The following LAT2 variants were observed in gnomAD, a reference collection of about 807,000 sequenced individuals.
The protein encoded by LAT2 is linker for activation of T-cells family member 2.
Under a neutral mutation model 43.4 loss-of-function variants are expected in LAT2, and 23 were observed. That is an observed-to-expected ratio of 0.53 (90% CI 0.38 to 0.75). LAT2 has a LOEUF of 0.75. Among genes scored for constraint, LAT2 ranks in the 30% least tolerant of loss-of-function variants. The pLI is 0.00. For missense variants in LAT2, 284 were observed against 310.2 expected (o/e 0.92, Z 0.64); for synonymous variants, 128 against 123.2 (o/e 1.04, Z -0.26).
At chr7:74,216,479 C>T (rs371551393) in intron 3 of LAT2, among the ~76,000 whole-genome samples, 11 of 152,244 alleles carry the variant, frequency 7.2e-5, no homozygotes, top group African/African-American at 2.6e-4. Context: ...TGAAGCGATT[C>T]TCCTGCCTCA....
chr7:74,228,206 G>T (rs1802565620), intron 13 of LAT2, among the ~76,000 whole-genome samples: 1 of 144,298 alleles, frequency 6.9e-6, no homozygotes, highest in Non-Finnish European at 1.5e-5. Flanking sequence ...GCCAGGCGCG[G>T]TGGCTCACGC....
At chr7:74,224,870 T>C in intron 13 of LAT2, 110 bp downstream of exon 13, 1 of 805,182 alleles carries the variant, frequency 1.2e-6, no homozygotes, top group East Asian at 2.8e-5. Context: ...GGGGCCATGG[T>C]GGGGGCTACA....
At chr7:74,211,376 A>G (rs531308744) in intron 1 of LAT2, among the ~76,000 whole-genome samples, 1 of 152,304 alleles carries the variant, frequency 6.6e-6, no homozygotes, top group South Asian at 2.1e-4. Flanking sequence ...TCCCAGGTTC[A>G]AGCAGTTCTC....
chr7:74,220,096 C>A lies in LAT2; in HGVS notation c.227+88C>A. ...CCCAGGTCAAGACCTCCCTCCCTCC[C>A]CGAGTCCCAGAGCTCCAGGGCTCAG... is the stretch of plus-strand genomic sequence containing the variant. On this transcript the variant is annotated intron_variant, in intron 6 of 13. Transcript: ENST00000460943. The surrounding 1 kb of genome is among the most constrained non-coding windows in gnomAD (Gnocchi z 4.5). The A allele has an allele frequency of 6.4e-7, 1 of 1,568,610 alleles. No homozygotes were observed. The highest frequency in any genetic ancestry group is 2.3e-5 in the East Asian group (1 of 43,850).
At chr7:74,214,269 A>T (rs1418146998) in intron 1 of LAT2, among the ~76,000 whole-genome samples, 1 of 71,872 alleles carries the variant, frequency 1.4e-5, no homozygotes, top group African/African-American at 7.2e-5. Context: ...TATATATGAA[A>T]ATATATATAT....
At chr7:74,214,307 A>AT (rs1801886981) in intron 1 of LAT2, among the ~76,000 whole-genome samples, 1 of 66,408 alleles carries the variant, frequency 1.5e-5, no homozygotes, top group Non-Finnish European at 2.6e-5. Flanking sequence ...TATATATATA[A>AT]ATATATATAT....
intron 1 of LAT2, 90 bp from the exon 2 acceptor site, chr7:74,214,728 AATAT>A (rs1161791833): frequency 9.3e-5 from 10 of 107,442 alleles, no homozygotes; most frequent in Non-Finnish European, 1.7e-4. Context: ...TAAAAATATA[AATAT>A]ATATAAAAAT....
Position 74,224,698 on chromosome 7 carries a change from G to A in LAT2, c.688G>A (p.Glu230Lys). 1 of 1,607,970 alleles carries A rather than the reference G, an allele frequency of 6.2e-7. No homozygotes were observed. The highest frequency in any genetic ancestry group is 2.2e-5 in the East Asian group (1 of 44,728). The change falls in exon 13 of 14, where the codon GAA (glutamate) becomes AAA (lysine). Residue 230 changes from glutamate (E) to lysine (K), a missense_variant. Physicochemically the swap from Glu to Lys is moderately conservative, Grantham distance 56. Transcript: ENST00000460943. ...GGGAAGCCCAGACGAGGAGGACGGG[G>A]AACCGGATTACGTGAATGGGGAGGT... is the stretch of plus-strand genomic sequence containing the variant. ...PVGSPDEEDG[E>K]PDYVNGEVAA...
intron 13 of LAT2, 111 bp downstream of exon 13, chr7:74,224,871 G>T (rs1274716508): frequency 5.2e-6 from 4 of 769,342 alleles, no homozygotes; most frequent in Non-Finnish European, 8.2e-6. Context: ...GGGCCATGGT[G>T]GGGGCTACAG....
intron 13 of LAT2, among the ~76,000 whole-genome samples, chr7:74,228,419 T>C (rs1185340061): frequency 6.7e-6 from 1 of 149,874 alleles, no homozygotes; most frequent in African/African-American, 2.5e-5. Flanking sequence ...GAGCTTGCAG[T>C]GAGCCGAGAT....
intron 1 of LAT2, among the ~76,000 whole-genome samples, chr7:74,213,420 C>CTTTTTT (rs1554713423): frequency 1.5e-5 from 2 of 136,238 alleles, no homozygotes; most frequent in Non-Finnish European, 3.2e-5. Flanking sequence ...TGTGCCCGGC[C>CTTTTTT]ATTTTTTTTT....
At position 74,214,771 on chromosome 7, in the gene LAT2, ATATAAATATATATATATATATTT is replaced by A. The variant is rs1563968756; in HGVS notation, c.-218-49_-218-27del. Reference sequence around the variant, plus strand: ...TAAATATATATATATAAACATATATATATAAATATATATATATATATTTTTTTTTTTTTTTGTATTTTTTTTGT... The same window carrying A: ...TAAATATATATATATAAACATATATATTTTTTTTTTTTGTATTTTTTTTGT... On this transcript the variant is annotated intron_variant, in intron 1 of 13. Coordinates refer to ENST00000460943, the MANE Select transcript of LAT2 (RefSeq NM_032464.3). 7.1e-3 allele frequency: 193 copies of A among 27,190 alleles called. 4 individuals are homozygous for A. Among genetic ancestry groups the A allele is most frequent in the African/African-American group, 0.027 (184 of 6,796 alleles). The allele number at this position is 27,190 out of a possible 1,614,324, so 1.7% of individuals were successfully genotyped here.
intron 2 of LAT2, 88 bp from the exon 3 acceptor site, chr7:74,215,859 C>T: frequency 2.2e-6 from 2 of 898,696 alleles, no homozygotes; most frequent in Non-Finnish European, 3.7e-6. Flanking sequence ...AGCCTAGGCT[C>T]AGGTATGGGG....
intron 13 of LAT2, among the ~76,000 whole-genome samples, chr7:74,227,099 T>C (rs1261015827): frequency 4.0e-5 from 6 of 150,302 alleles, no homozygotes; most frequent in African/African-American, 9.8e-5. Context: ...TGAAGTGCAA[T>C]GGTGCAATCT....
chr7:74,220,392 G>T lies in LAT2; in HGVS notation c.265+138G>T. 1.6e-6 allele frequency: 2 copies of T among 1,241,984 alleles called. No homozygotes were observed. Among genetic ancestry groups the T allele is most frequent in the Non-Finnish European group, 2.3e-6 (2 of 866,816 alleles). 76.9% of individuals were successfully genotyped at this position (1,241,984 alleles called of 1,614,324 possible). On this transcript the variant is annotated intron_variant, in intron 7 of 13. Transcript: ENST00000460943. This position sits in a 1 kb window ranked among gnomAD's most constrained non-coding sequence, Gnocchi z 4.5. ...CTCCCCAGGAGAGACACACAGGCTG[G>T]GGCAGGGCAGGCTCCTGGAATCGGC...
At chr7:74,216,780 G>A (rs782580332) in intron 3 of LAT2, 45 bp from the exon 4 acceptor site, 64 of 1,591,874 alleles carry the variant, frequency 4.0e-5, no homozygotes, top group Non-Finnish European at 5.3e-5. Flanking sequence ...ACCTCAGGTC[G>A]CAGCTGCTCC....
At chr7:74,214,333 AAT>A (rs375681833) in intron 1 of LAT2, among the ~76,000 whole-genome samples, 1,253 of 33,294 alleles carry the variant, frequency 0.038, 36 homozygotes, top group East Asian at 0.043. Flanking sequence ...TATATATATA[AAT>A]ATATATATAT....
intron 1 of LAT2, among the ~76,000 whole-genome samples, chr7:74,213,712 C>T (rs528343892): frequency 7.9e-5 from 12 of 152,246 alleles, no homozygotes; most frequent in South Asian, 2.1e-4. Flanking sequence ...CGTGAGCCAC[C>T]ACGCCCTGCT....
At position 74,212,928 on chromosome 7, in the gene LAT2, G is replaced by A. The variant is rs1468507038; in HGVS notation, c.-218-1894G>A. On this transcript the variant is annotated intron_variant, in intron 1 of 13. Transcript: ENST00000460943. ...AGAGGCCTGGTGGCTTCTCTGTGAT[G>A]CGCCTCTTACAGAGGCTCAGGGCCG... Among the ~76,000 whole-genome samples, 3 of 152,136 alleles carry A rather than the reference G, an allele frequency of 2.0e-5. No individual in the cohort carries two copies. The South Asian group carries it at 6.2e-4, about 32-fold the overall frequency.
Sources: allele counts gnomAD v4.1 joint callset (sites outside exome capture counted in the v4.1 genomes callset), GRCh38; gene constraint gnomAD v4.1.1; non-coding constraint Gnocchi (gnomAD v3.1); transcripts MANE v1.5; gene names NCBI Gene and HGNC (gene_info 2026-07-23, HGNC 2026-07-21).